The following KHK variants were observed in gnomAD, a reference collection of about 807,000 sequenced individuals.
KHK encodes ketohexokinase.
A neutral mutation model predicts 36.0 loss-of-function variants in KHK; 37 were observed. That is an observed-to-expected ratio of 1.03 (90% confidence interval 0.79 to 1.35). The LOEUF is 1.35. KHK is among the 40% of genes most tolerant of loss of function. The pLI is 0.00. For missense variants in KHK, 395 were observed against 391.9 expected, an observed-to-expected ratio of 1.01 and a Z score of -0.07; for synonymous variants, 161 against 162.8, an observed-to-expected ratio of 0.99 and a Z score of 0.08.
rs1670708001 is a variant in KHK, at chr2:27,099,972, TTCTCC to T, written c.*227_*231del. Reference sequence around the variant, plus strand: ...CAAATAAATCTTCCTCAGAGCCAGCTTCTCCTCTCAATGTCTGAACTGCTCTGGCT... The same window carrying T: ...CAAATAAATCTTCCTCAGAGCCAGCTTCTCAATGTCTGAACTGCTCTGGCT... On this transcript the variant is annotated 3_prime_UTR_variant, in exon 8 of 8. Coordinates refer to ENST00000260598, the MANE Select transcript of KHK (RefSeq NM_006488.3). 3.1e-6 allele frequency: 3 copies of T among 967,522 alleles called. No individual in the cohort carries two copies. Among genetic ancestry groups the T allele is most frequent in the Middle Eastern group, 3.1e-4 (1 of 3,228 alleles). 59.9% of individuals were successfully genotyped at this position (967,522 alleles called of 1,614,324 possible). A position where few individuals can be genotyped will look rare whatever the true frequency, so the allele number is the denominator to read the frequency against.
chr2:27,097,664 C>T lies in KHK; in HGVS notation c.564+15C>T. On this transcript the variant is annotated intron_variant, in intron 5 of 7. Transcript: ENST00000260598. ...ACGGAGACGTGGTGGGTGCCCCATT[C>T]AGCCTCTCTTTGCCACTTCCAGCTA... 1 of 1,613,758 alleles carries T rather than the reference C, an allele frequency of 6.2e-7. No homozygotes were observed. Among genetic ancestry groups the T allele is most frequent in the African/African-American group, 1.3e-5 (1 of 74,812 alleles).
At chr2:27,094,267 A>T (rs778882212) in intron 2 of KHK, 141 of 641,908 alleles carry the variant, frequency 2.2e-4, no homozygotes, top group Non-Finnish European at 3.6e-4. Context: ...GATGGCCCTT[A>T]GTGTTTCTCT....
Position 27,086,988 on chromosome 2 carries a change from G to T in KHK, c.-272G>T. On this transcript the variant is annotated 5_prime_UTR_variant, in exon 1 of 8. Transcript: ENST00000260598. ...AAGTGGGAGGCGTTGCCATCTGCAGGCCCAGGCAACCTGCTACGGGAAGAC... is the reference window on the plus strand; with the variant it reads ...AAGTGGGAGGCGTTGCCATCTGCAGTCCCAGGCAACCTGCTACGGGAAGAC... 2.5e-6 allele frequency: 1 copy of T among 398,814 alleles called. No individual in the cohort carries two copies. The highest frequency in any genetic ancestry group is 4.1e-5 in the East Asian group (1 of 24,634). The allele number at this position is 398,814 out of a possible 1,614,324, so 24.7% of individuals were successfully genotyped here.
Position 27,100,573 on chromosome 2 carries a change from G to A in KHK, c.*823G>A. 1 of 1,282,786 alleles carries A rather than the reference G, an allele frequency of 7.8e-7. No homozygotes were observed. Among genetic ancestry groups the A allele is most frequent in the South Asian group, 1.2e-5 (1 of 80,814 alleles). The allele number at this position is 1,282,786 out of a possible 1,614,324, so 79.5% of individuals were successfully genotyped here. A position where few individuals can be genotyped will look rare whatever the true frequency, so the allele number is the denominator to read the frequency against. ...AATGTAAAGAGCATATAATGTAAAG[G>A]GCTTTAGAGTGAGACAGACCTGGAT... On this transcript the variant is annotated 3_prime_UTR_variant, in exon 8 of 8. Coordinates refer to ENST00000260598, the MANE Select transcript of KHK (RefSeq NM_006488.3).
chr2:27,092,846 C>T (rs3769139), intron 2 of KHK, among the ~76,000 whole-genome samples: 81,112 of 152,010 alleles, frequency 0.53, 23,019 homozygotes, highest in East Asian at 0.76. Flanking sequence ...CAGGTCCAGG[C>T]CCACAGTTTC....
intron 2 of KHK, chr2:27,094,168 C>G (rs145704183): frequency 2.2e-6 from 1 of 449,234 alleles, no homozygotes. Context: ...TCCTGTCTAG[C>G]TTTATGAACA....
chr2:27,097,967 C>T (rs1313332639), intron 5 of KHK, among the ~76,000 whole-genome samples: 1 of 152,106 alleles, frequency 6.6e-6, no homozygotes, highest in Non-Finnish European at 1.5e-5. Flanking sequence ...CTGGGGCTCC[C>T]CAGTCTTTTC....
Position 27,086,943 on chromosome 2 carries a change from G to C in KHK, c.-317G>C. 2 of 306,578 alleles carry C rather than the reference G, an allele frequency of 6.5e-6. No homozygotes were observed. Among genetic ancestry groups the C allele is most frequent in the Non-Finnish European group, 1.2e-5 (2 of 162,404 alleles). 19.0% of individuals were successfully genotyped at this position (306,578 alleles called of 1,614,324 possible). On this transcript the variant is annotated 5_prime_UTR_variant, in exon 1 of 8. Transcript: ENST00000260598. ...CATCAGCTGTGAGTCCATCTGACAA[G>C]CGAGGAAACTAAGGCTGAGAAGTGG... is the stretch of plus-strand genomic sequence containing the variant.
rs769459647 is a variant in KHK at position 27,099,737 on chromosome 2, A to AT, written c.885dup (p.Gly296TrpfsTer72). ...AAGAAGTGTGGCCTGCAGGGCTTTG[A>AT]TGGCATCGTGTGAGAGCAGGTGCCG... is the stretch of plus-strand genomic sequence containing the variant. On this transcript the variant is annotated frameshift_variant, in exon 8 of 8. Transcript: ENST00000260598. LOFTEE classifies it high-confidence loss of function. 3 of 1,614,026 alleles carry AT rather than the reference A, an allele frequency of 1.9e-6. No individual in the cohort carries two copies. In the South Asian group the frequency reaches 3.3e-5, roughly 18 times the overall value.
In KHK at chr2:27,100,610, A is replaced by T; in HGVS notation, c.*860A>T. 8.2e-7 allele frequency: 1 copy of T among 1,216,018 alleles called. No individual in the cohort carries two copies. The highest frequency in any genetic ancestry group is 1.3e-5 in the South Asian group (1 of 77,698). 75.3% of individuals were successfully genotyped at this position (1,216,018 alleles called of 1,614,324 possible). On this transcript the variant is annotated 3_prime_UTR_variant, in exon 8 of 8. Coordinates refer to ENST00000260598, the MANE Select transcript of KHK (RefSeq NM_006488.3). ...AGACAGACCTGGATTAAAATCTGCC[A>T]TTTAATTAGCTGCATATCACCTTAG...
intron 1 of KHK, among the ~76,000 whole-genome samples, chr2:27,090,545 C>T (rs570883676): frequency 7.6e-6 from 1 of 132,226 alleles, no homozygotes; most frequent in Non-Finnish European, 1.5e-5. Flanking sequence ...ACCTCTGCCT[C>T]CCGGGTTCAA....
intron 3 of KHK, among the ~76,000 whole-genome samples, chr2:27,095,414 A>C (rs79123633): frequency 0.034 from 5,118 of 152,218 alleles, 290 homozygotes; most frequent in African/African-American, 0.12. Context: ...TGTGTAAAAG[A>C]GATCAGCCCC....
intron 3 of KHK, 35 bp downstream of exon 3, chr2:27,094,969 CCAATCAGTTGGCT>C (rs1558447100): frequency 6.2e-7 from 1 of 1,612,614 alleles, no homozygotes; most frequent in East Asian, 2.2e-5. Context: ...CTACAACCCA[CCAATCAGTTGGCT>C]CAATCAGTTC....
rs1202116450 is a variant in KHK at position 27,087,456 on chromosome 2, C to T, written c.92+105C>T. On this transcript the variant is annotated intron_variant, in intron 1 of 7. Transcript: ENST00000260598. ...ACCCCGCAGTGAGGCCCTGAGAACC[C>T]GGCTTCAAGGCCGGACCCGCGCCCT... 7 of 875,908 alleles carry T rather than the reference C, an allele frequency of 8.0e-6. No individual in the cohort carries two copies. In the African/African-American group the frequency reaches 8.5e-5, roughly 11 times the overall value. The allele number at this position is 875,908 out of a possible 1,614,324, so 54.3% of individuals were successfully genotyped here.
At chr2:27,093,503 G>A (rs1006935953) in intron 2 of KHK, among the ~76,000 whole-genome samples, 2 of 152,204 alleles carry the variant, frequency 1.3e-5, no homozygotes, top group African/African-American at 4.8e-5. Context: ...CCCAGGCACT[G>A]GGGTGCGAAA....
Position 27,087,365 on chromosome 2 carries a change from G to C in KHK, c.92+14G>C. The stretch of plus-strand genomic sequence containing the variant: ...CTCGGAGATAAGGTAGGGGCGCCCA[G>C]GTCCCCTAGGGGACCCCAGGGGCTG... On this transcript the variant is annotated intron_variant, in intron 1 of 7. Transcript: ENST00000260598. 1 of 1,559,550 alleles carries C rather than the reference G, an allele frequency of 6.4e-7. No homozygotes were observed. The highest frequency in any genetic ancestry group is 8.7e-7 in the Non-Finnish European group (1 of 1,148,478).
At chr2:27,094,678 T>C in intron 2 of KHK, 122 bp from the exon 3 acceptor site, 2 of 1,613,480 alleles carry the variant, frequency 1.2e-6, no homozygotes, top group East Asian at 2.2e-5. Context: ...AACAGGACTC[T>C]TCTTCTCTTA....
At chr2:27,099,018 C>A (rs994662104) in intron 5 of KHK, 178 bp from the exon 6 acceptor site, 2 of 650,344 alleles carry the variant, frequency 3.1e-6, no homozygotes, top group African/African-American at 1.8e-5. Flanking sequence ...TCAGGGAGAC[C>A]ATCTTCACAA....
chr2:27,100,018 T>A lies in KHK; in HGVS notation c.*268T>A. 1.5e-6 allele frequency: 1 copy of A among 684,110 alleles called. No homozygotes were observed. The highest frequency in any genetic ancestry group is 1.8e-5 in the South Asian group (1 of 56,210). The allele number at this position is 684,110 out of a possible 1,614,324, so 42.4% of individuals were successfully genotyped here. A position where few individuals can be genotyped will look rare whatever the true frequency, so the allele number is the denominator to read the frequency against. ...TGCTCTGGCTGGGCATTCCTGAGGC[T>A]CTGACTCTTCGATCCTCCCTCTTTG... On this transcript the variant is annotated 3_prime_UTR_variant, in exon 8 of 8. Coordinates refer to ENST00000260598, the MANE Select transcript of KHK (RefSeq NM_006488.3).
Sources: allele counts gnomAD v4.1 joint callset (sites outside exome capture counted in the v4.1 genomes callset), GRCh38; gene constraint gnomAD v4.1.1; transcripts MANE v1.5; gene names NCBI Gene and HGNC (gene_info 2026-07-23, HGNC 2026-07-21).